The following MGA variants were observed in gnomAD, a reference collection of about 807,000 sequenced individuals.
The protein encoded by MGA is MAX dimerization protein MGA.
MGA carries 40 observed loss-of-function variants against 261.1 expected under a neutral mutation model. The observed-to-expected ratio is 0.15, with a 90% confidence interval of 0.12 to 0.20. The LOEUF (loss-of-function observed/expected upper bound fraction) is 0.20, where lower values mean the gene tolerates loss of function less well. MGA is among the 10% of genes least tolerant of loss of function. The pLI is 1.00. For synonymous variants in MGA, 1,302 were observed against 1,290.6 expected (o/e 1.01, Z -0.19); for missense variants, 3,397 against 3,630.5 (o/e 0.94, Z 1.65).
At chr15:41,708,252 G>C in intron 7 of MGA, 44 bp downstream of exon 7, 1 of 1,303,712 alleles carries the variant, frequency 7.7e-7, no homozygotes, top group Middle Eastern at 2.3e-4. Flanking sequence ...GAAACATGTA[G>C]CCAGAAACCT....
Position 41,730,060 on chromosome 15 carries a change from T to G in MGA, c.3843+711T>G, listed in dbSNP as rs976482389. ...GGTGCCTGCCACCACGTCTGGCTAA[T>G]TTTTTGTATTTTTAGCAGAGATGGG... is the stretch of plus-strand genomic sequence containing the variant. On this transcript the variant is annotated intron_variant, in intron 11 of 23. Transcript: ENST00000219905. Among the ~76,000 whole-genome samples the G allele has an allele frequency of 3.3e-5, 5 of 152,032 alleles. No homozygotes were observed. In the East Asian group the frequency reaches 9.9e-4, roughly 30 times the overall value.
chr15:41,763,412 T>A (rs2063608413), intron 22 of MGA, among the ~76,000 whole-genome samples: 2 of 151,580 alleles, frequency 1.3e-5, no homozygotes, highest in Admixed American at 1.3e-4. Flanking sequence ...TCAGGCTCTA[T>A]TTTTCATCAG....
intron 12 of MGA, among the ~76,000 whole-genome samples, chr15:41,734,845 G>A (rs887568155): frequency 1.4e-4 from 22 of 151,920 alleles, no homozygotes; most frequent in South Asian, 2.1e-4. Flanking sequence ...AGACATTTAG[G>A]TTGAGGTCAG....
At chr15:41,632,561 G>C (rs1176729789) in intron 1 of MGA, among the ~76,000 whole-genome samples, 1 of 152,150 alleles carries the variant, frequency 6.6e-6, no homozygotes, top group Non-Finnish European at 1.5e-5. Context: ...TACCGAAATG[G>C]TTAAGTTTGA....
At chr15:41,723,169 G>A (rs2061040331) in intron 9 of MGA, among the ~76,000 whole-genome samples, 1 of 151,956 alleles carries the variant, frequency 6.6e-6, no homozygotes, top group Non-Finnish European at 1.5e-5. Context: ...GCTGAGTGTT[G>A]TTCTTTTTTT....
chr15:41,696,843 T>G lies in MGA; in HGVS notation c.1833T>G (p.Pro611=). The change falls in exon 3 of 24, where the codon CCT becomes CCG. Residue 611 remains proline (P), a synonymous_variant. Transcript: ENST00000219905. ...ATCAGAATGCCTCTCCAAATGTCCC[T>G]GGAAAAAGAGGAAGGCCACGAAAAT... The G allele has an allele frequency of 6.3e-7, 1 of 1,599,154 alleles. No individual in the cohort carries two copies. Among genetic ancestry groups the G allele is most frequent in the Admixed American group, 1.8e-5 (1 of 57,068 alleles).
At position 41,742,680 on chromosome 15, in the gene MGA, C is replaced by G. The variant is rs1186870341; in HGVS notation, c.4720C>G (p.Pro1574Ala). 6.2e-7 allele frequency: 1 copy of G among 1,613,962 alleles called. No individual in the cohort carries two copies. The change falls in exon 15 of 24, where the codon CCA becomes GCA. Residue 1574 changes from proline (P) to alanine (A), a missense_variant. Pro to Ala is a conservative substitution (Grantham distance 27). Around this residue, in one of 9 missense-constraint regions of MGA, gnomAD observed 1,410 missense variants for 1,386.4 expected, o/e 1.02. Transcript: ENST00000219905. ...ACAGAAGTTCAGTATCAGACCTTCT[C>G]CAGTAATGGTCGTCACACCTGTGGT...
chr15:41,762,671 G>A (rs924793218), intron 22 of MGA, among the ~76,000 whole-genome samples: 7 of 151,822 alleles, frequency 4.6e-5, no homozygotes, highest in African/African-American at 1.7e-4. Context: ...ATTTTGCCCT[G>A]TTGGCCAGGC....
chr15:41,763,618 C>G (rs1348975042), intron 22 of MGA, among the ~76,000 whole-genome samples: 1 of 151,842 alleles, frequency 6.6e-6, no homozygotes, highest in Non-Finnish European at 1.5e-5. Flanking sequence ...TGGCTCATGC[C>G]TGTAATCTCA....
intron 2 of MGA, among the ~76,000 whole-genome samples, chr15:41,681,491 G>A (rs894647016): frequency 2.7e-5 from 4 of 150,716 alleles, no homozygotes; most frequent in Non-Finnish European, 5.9e-5. Context: ...TCACTTGGTT[G>A]CCCAGGCTGG....
chr15:41,716,456 AAAAAAG>A (rs1413024738), intron 9 of MGA, among the ~76,000 whole-genome samples: 4 of 152,116 alleles, frequency 2.6e-5, no homozygotes, highest in Admixed American at 1.3e-4. Flanking sequence ...TCCGTATCAA[AAAAAAG>A]AAAAAGAAAA....
At chr15:41,672,298 C>G (rs1413720984) in intron 2 of MGA, among the ~76,000 whole-genome samples, 1 of 152,154 alleles carries the variant, frequency 6.6e-6, no homozygotes, top group Non-Finnish European at 1.5e-5. Context: ...GGACTACAGG[C>G]ATGCACCACC....
intron 2 of MGA, among the ~76,000 whole-genome samples, chr15:41,676,180 T>C (rs2058364128): frequency 6.6e-6 from 1 of 152,078 alleles, no homozygotes; most frequent in African/African-American, 2.4e-5. Context: ...AGAGTCACTC[T>C]GGTTTGATTT....
chr15:41,733,902 T>G (rs1053299962), intron 11 of MGA, among the ~76,000 whole-genome samples: 1 of 143,646 alleles, frequency 7.0e-6, no homozygotes, highest in Non-Finnish European at 1.5e-5. Flanking sequence ...TCTTTCCACA[T>G]TGGCAAATTT....
chr15:41,671,387 C>T (rs2058051655), intron 2 of MGA, among the ~76,000 whole-genome samples: 1 of 151,682 alleles, frequency 6.6e-6, no homozygotes, highest in Admixed American at 6.6e-5. Flanking sequence ...GCAGTGGTGT[C>T]ATCTCGGCTC....
chr15:41,742,462 C>T, intron 14 of MGA, 84 bp from the exon 15 acceptor site: 2 of 1,491,684 alleles, frequency 1.3e-6, no homozygotes, highest in Non-Finnish European at 1.8e-6. Flanking sequence ...CCCAGTAGTG[C>T]ACAGTAAATG....
In MGA at chr15:41,647,043, A is replaced by G. The variant is rs887069306; in HGVS notation, c.-67-21785A>G. On this transcript the variant is annotated intron_variant, in intron 1 of 8. Coordinates refer to the MGA transcript ENST00000566718. ...TGGATAAGCTTCAGGTTTCTTTTAT[A>G]TGTTGATGTTCTCCAGGGCTATTTT... Among the ~76,000 whole-genome samples, 18 of 152,268 alleles carry G rather than the reference A, an allele frequency of 1.2e-4. 1 individual carries two copies. Among genetic ancestry groups the G allele is most frequent in the African/African-American group, 4.1e-4 (17 of 41,540 alleles).
At chr15:41,670,557 G>T (rs1276440595) in intron 2 of MGA, among the ~76,000 whole-genome samples, 2 of 152,138 alleles carry the variant, frequency 1.3e-5, no homozygotes, top group African/African-American at 4.8e-5. Flanking sequence ...CCAGGCTGGA[G>T]TGCAGTGGCA....
Position 41,740,130 on chromosome 15 carries a change from A to T in MGA, c.4512A>T (p.Ala1504=). ...CTTCAACATCCAATTCCAAAATGGC[A>T]TCCTCCTCTGGCACTGCAACAAATC... The change falls in exon 14 of 24, where the codon GCA becomes GCT. Residue 1504 remains alanine (A), a synonymous_variant. Transcript: ENST00000219905. 1 of 1,614,028 alleles carries T rather than the reference A, an allele frequency of 6.2e-7. No individual in the cohort carries two copies. The highest frequency in any genetic ancestry group is 8.5e-7 in the Non-Finnish European group (1 of 1,179,900).
Sources: gnomAD v4.1 joint callset for allele counts (sites outside exome capture counted in the v4.1 genomes callset) on GRCh38, gnomAD v4.1.1 for gene constraint, gnomAD v4.1.1 regional missense constraint, MANE v1.5 for transcripts, NCBI Gene and HGNC (gene_info 2026-07-23, HGNC 2026-07-21) for gene names.